The following CSMD1 variants were observed in gnomAD, a reference collection of about 807,000 sequenced individuals.
The protein encoded by CSMD1 is CUB and Sushi multiple domains 1.
A neutral mutation model predicts 417.5 loss-of-function variants in CSMD1; 213 were observed. The observed-to-expected ratio is 0.51, with a 90% CI of 0.46 to 0.57. The LOEUF (loss-of-function observed/expected upper bound fraction) is 0.57, where lower values mean the gene tolerates loss of function less well. Ranked by LOEUF, CSMD1 falls within the 20% of genes least tolerant of loss-of-function variation. The probability of loss-of-function intolerance (pLI) is 0.00; values close to 1 mark genes in which losing one functional copy is unlikely to be tolerated. For synonymous variants in CSMD1, 2,862 were observed against 1,736.8 expected (o/e 1.65, Z -16.11); for missense variants, 6,923 against 4,529.7 (o/e 1.53, Z -15.17).
chr8:4,777,547 T>G (rs1053044237), intron 1 of CSMD1, among the ~76,000 whole-genome samples: 3 of 152,200 alleles, frequency 2.0e-5, no homozygotes, highest in Non-Finnish European at 4.4e-5. Context: ...TTAAAAGCAG[T>G]ACACAGAGCT....
intron 26 of CSMD1, among the ~76,000 whole-genome samples, chr8:3,268,446 G>T (rs377642674): frequency 6.6e-6 from 1 of 151,844 alleles, no homozygotes; most frequent in Non-Finnish European, 1.5e-5. Context: ...CCGCCACCAC[G>T]CCCAGCTGAT....
At chr8:4,734,129 A>G (rs1810072761) in intron 1 of CSMD1, among the ~76,000 whole-genome samples, 1 of 152,114 alleles carries the variant, frequency 6.6e-6, no homozygotes, top group African/African-American at 2.4e-5. Context: ...CAAAATTTTC[A>G]TTTACATTTA....
chr8:4,818,771 G>T (rs147525453), intron 1 of CSMD1, among the ~76,000 whole-genome samples: 7 of 152,096 alleles, frequency 4.6e-5, no homozygotes, highest in Non-Finnish European at 8.8e-5. Flanking sequence ...GCTACACATC[G>T]CTTGGTACTT....
chr8:4,029,126 A>C (rs759880582), intron 4 of CSMD1, among the ~76,000 whole-genome samples: 1 of 152,180 alleles, frequency 6.6e-6, no homozygotes, highest in Non-Finnish European at 1.5e-5. Context: ...ATTTTTAATA[A>C]AAAAGATAAA....
At chr8:4,585,640 A>T (rs932329420) in intron 2 of CSMD1, among the ~76,000 whole-genome samples, 3 of 152,170 alleles carry the variant, frequency 2.0e-5, no homozygotes, top group Non-Finnish European at 4.4e-5. Flanking sequence ...ACTGGCAAAG[A>T]AGCAACAATA....
At chr8:4,146,097 C>A (rs1172578594) in intron 3 of CSMD1, among the ~76,000 whole-genome samples, 1 of 150,940 alleles carries the variant, frequency 6.6e-6, no homozygotes, top group African/African-American at 2.5e-5. Flanking sequence ...GCCTCCCACA[C>A]ACCAACATAA....
At chr8:4,588,254 C>T (rs541484070) in intron 2 of CSMD1, among the ~76,000 whole-genome samples, 20 of 151,994 alleles carry the variant, frequency 1.3e-4, no homozygotes, top group African/African-American at 3.1e-4. Flanking sequence ...CGTCAGAAGA[C>T]AGTAACTTTT....
rs150499083 is a variant in CSMD1, at chr8:3,915,999, A to G, written c.818+81904T>C. Among the ~76,000 whole-genome samples the G allele has an allele frequency of 4.6e-5, 7 of 151,798 alleles. No homozygotes were observed. In the East Asian group the frequency reaches 1.2e-3, roughly 25 times the overall value. ...GAGTGAGATTCATAAGATTGATATA[A>G]TGCAATTAGTTGGAAAATGTCACTG... is the stretch of plus-strand genomic sequence containing the variant. On this transcript the variant is annotated intron_variant, in intron 5 of 69. Transcript: ENST00000635120.
At chr8:4,668,545 G>A (rs1805096353) in intron 1 of CSMD1, among the ~76,000 whole-genome samples, 1 of 151,208 alleles carries the variant, frequency 6.6e-6, no homozygotes, top group South Asian at 2.1e-4. Flanking sequence ...CGCCTCCCTG[G>A]TTCACGCCAT....
chr8:2,960,980 T>C (rs1273417050), intron 62 of CSMD1, among the ~76,000 whole-genome samples, 161 bp downstream of exon 62: 1 of 130,866 alleles, frequency 7.6e-6, no homozygotes, highest in South Asian at 2.5e-4. Flanking sequence ...ATATTGATTT[T>C]GACAGTTAAA....
chr8:4,738,472 T>C (rs1471878506), intron 1 of CSMD1, among the ~76,000 whole-genome samples: 2 of 152,048 alleles, frequency 1.3e-5, no homozygotes, highest in Non-Finnish European at 2.9e-5. Context: ...AGAACAAACT[T>C]GCTATCAGGA....
rs1456098248 is a variant in CSMD1 at position 3,446,277 on chromosome 8, G to T, written c.1561+22435C>A. On this transcript the variant is annotated intron_variant, in intron 12 of 69. Coordinates refer to ENST00000635120, the MANE Select transcript of CSMD1 (RefSeq NM_033225.6). ...CAGAAATCGGAAACGTGTGCTGCAT[G>T]GGCTATTGTAAAATTAGTTTTCTTT... Among the ~76,000 whole-genome samples, 4 of 152,316 alleles carry T rather than the reference G, an allele frequency of 2.6e-5. No homozygotes were observed. In the South Asian group the frequency reaches 6.2e-4, roughly 24 times the overall value.
chr8:3,440,512 A>C lies in CSMD1; in HGVS notation c.1561+28200T>G, dbSNP rs558299907. On this transcript the variant is annotated intron_variant, in intron 12 of 69. Coordinates refer to ENST00000635120, the MANE Select transcript of CSMD1 (RefSeq NM_033225.6). ...TGTTCATCCTGTATCCTGTGAAGTC[A>C]CCAAACTGGGTTCTTGGCTCTAAGA... Among the ~76,000 whole-genome samples, 115 of 152,318 alleles carry C rather than the reference A, an allele frequency of 7.5e-4. 1 individual carries two copies. The highest frequency in any genetic ancestry group is 3.4e-3 in the Middle Eastern group (1 of 294).
At chr8:3,237,558 T>C (rs1799225222) in intron 26 of CSMD1, among the ~76,000 whole-genome samples, 2 of 142,280 alleles carry the variant, frequency 1.4e-5, no homozygotes, top group African/African-American at 5.0e-5. Context: ...ATAACACAAC[T>C]TTGCATATAA....
intron 26 of CSMD1, among the ~76,000 whole-genome samples, chr8:3,241,064 G>A (rs1799470448): frequency 6.7e-6 from 1 of 148,778 alleles, no homozygotes; most frequent in African/African-American, 2.5e-5. Context: ...TGTGGGTTAA[G>A]GTGAGGGGAT....
intron 16 of CSMD1, among the ~76,000 whole-genome samples, chr8:3,397,114 C>A (rs1034709626): frequency 6.6e-6 from 1 of 151,982 alleles, no homozygotes; most frequent in Non-Finnish European, 1.5e-5. Flanking sequence ...AATGTAGGTA[C>A]CACTCCAGGC....
chr8:3,993,938 G>A (rs535795087), intron 5 of CSMD1, among the ~76,000 whole-genome samples: 48 of 152,268 alleles, frequency 3.2e-4, no homozygotes, highest in Middle Eastern at 3.4e-3. Context: ...AATGCACCAG[G>A]GATGAAAACG....
At chr8:3,962,554 G>C (rs372162154) in intron 5 of CSMD1, among the ~76,000 whole-genome samples, 4 of 152,108 alleles carry the variant, frequency 2.6e-5, no homozygotes, top group African/African-American at 9.7e-5. Context: ...AAGTGTAGGG[G>C]TCATGATTTC....
chr8:4,984,866 C>A (rs1278944749), intron 1 of CSMD1, among the ~76,000 whole-genome samples: 3 of 152,166 alleles, frequency 2.0e-5, no homozygotes, highest in Non-Finnish European at 2.9e-5. Flanking sequence ...GGGTGGAGAT[C>A]TAAGATGCTA....
Sources: gnomAD v4.1 joint callset for allele counts (sites outside exome capture counted in the v4.1 genomes callset) on GRCh38, gnomAD v4.1.1 for gene constraint, MANE v1.5 for transcripts, NCBI Gene and HGNC (gene_info 2026-07-23, HGNC 2026-07-21) for gene names.